The following NRG2 variants were observed in gnomAD, a reference collection of about 807,000 sequenced individuals.
The protein encoded by NRG2 is neuregulin 2.
Under a neutral mutation model 73.9 loss-of-function variants are expected in NRG2, and 27 were observed. That is an observed-to-expected ratio of 0.37 (90% CI 0.27 to 0.50). The LOEUF is 0.50. Ranked by LOEUF, NRG2 falls within the 20% of genes least tolerant of loss-of-function variation. The probability of loss-of-function intolerance (pLI) is 0.96; values close to 1 mark genes in which losing one functional copy is unlikely to be tolerated. For missense variants in NRG2, 1,126 were observed against 1,210.1 expected, an observed-to-expected ratio of 0.93 and a Z score of 1.03; for synonymous variants, 532 against 541.0, an observed-to-expected ratio of 0.98 and a Z score of 0.23.
At chr5:139,988,706 G>A (rs916072957) in intron 1 of NRG2, among the ~76,000 whole-genome samples, 6 of 151,932 alleles carry the variant, frequency 3.9e-5, no homozygotes, top group African/African-American at 9.7e-5. Context: ...ATACTATAGC[G>A]AATGTATGTC....
intron 1 of NRG2, among the ~76,000 whole-genome samples, chr5:139,912,213 A>T (rs2127197393): frequency 6.6e-6 from 1 of 152,266 alleles, no homozygotes; most frequent in Middle Eastern, 3.4e-3. Context: ...AGGCAGAGAG[A>T]CAATTCAACC....
At chr5:139,930,667 A>G (rs1441776687) in intron 1 of NRG2, among the ~76,000 whole-genome samples, 2 of 152,168 alleles carry the variant, frequency 1.3e-5, no homozygotes, top group African/African-American at 4.8e-5. Context: ...TCATGGCTCC[A>G]CTTGGCAAAA....
chr5:139,889,815 C>G (rs1046588248), intron 1 of NRG2, among the ~76,000 whole-genome samples: 1 of 152,126 alleles, frequency 6.6e-6, no homozygotes, highest in African/African-American at 2.4e-5. Flanking sequence ...TAACTTCATT[C>G]GTTTGCGCCT....
chr5:139,966,945 G>A (rs1216751200), intron 1 of NRG2, among the ~76,000 whole-genome samples: 1 of 152,186 alleles, frequency 6.6e-6, no homozygotes, highest in African/African-American at 2.4e-5. Flanking sequence ...TCAAAAAAAG[G>A]CCTGGGAGGA....
intron 1 of NRG2, among the ~76,000 whole-genome samples, chr5:140,025,387 C>T (rs1760604487): frequency 6.6e-6 from 1 of 152,148 alleles, no homozygotes; most frequent in Admixed American, 6.5e-5. Flanking sequence ...TTGGGCATGG[C>T]ACATGTAGGT....
intron 3 of NRG2, among the ~76,000 whole-genome samples, chr5:139,878,604 T>G (rs1164758107): frequency 1.3e-5 from 2 of 152,218 alleles, no homozygotes; most frequent in African/African-American, 2.4e-5. Flanking sequence ...TGGGGCCAGT[T>G]CCACCTCTGA....
chr5:139,882,856 C>A (rs908026398), intron 2 of NRG2, among the ~76,000 whole-genome samples: 1 of 152,090 alleles, frequency 6.6e-6, no homozygotes, highest in Non-Finnish European at 1.5e-5. Context: ...GCATGTGAGA[C>A]CTGGAGAAGG....
chr5:139,907,339 T>C (rs746628628), intron 1 of NRG2, among the ~76,000 whole-genome samples: 12 of 152,184 alleles, frequency 7.9e-5, no homozygotes, highest in Non-Finnish European at 1.6e-4. Flanking sequence ...GCTTCCTGAA[T>C]TCTTTTGATG....
chr5:139,876,925 CTG>C (rs3082489), intron 3 of NRG2, among the ~76,000 whole-genome samples: 79,108 of 141,740 alleles, frequency 0.56, 22,135 homozygotes, highest in Admixed American at 0.66. Context: ...GAATGTGCAT[CTG>C]TGTGTGTGTG....
rs188700714 is a variant in NRG2, at chr5:139,871,761, C to T, written c.1072G>A (p.Val358Ile). ...TAKSYCVNGG[V>I]CYYIEGINQL... Reference sequence around the variant, plus strand: ...TTGATGCCCTCGATGTAGTAGCAGACGCCTCCATTGACGCAATAGGACTTG... The same window carrying T: ...TTGATGCCCTCGATGTAGTAGCAGATGCCTCCATTGACGCAATAGGACTTG... The change falls in exon 4 of 10, where the codon GTC (valine) becomes ATC (isoleucine). Residue 358 changes from valine to isoleucine, a missense_variant. Coordinates refer to ENST00000361474, the MANE Select transcript of NRG2 (RefSeq NM_004883.3). 6.0e-4 allele frequency: 961 copies of T among 1,614,102 alleles called. 5 individuals carry two copies. The East Asian group carries it at 0.017, about 28-fold the overall frequency.
At chr5:139,916,723 G>A (rs1310245354) in intron 1 of NRG2, among the ~76,000 whole-genome samples, 1 of 152,170 alleles carries the variant, frequency 6.6e-6, no homozygotes, top group South Asian at 2.1e-4. Context: ...GCATGGATCA[G>A]TATTCATACC....
At chr5:139,899,992 C>T (rs1764774066) in intron 1 of NRG2, among the ~76,000 whole-genome samples, 1 of 152,242 alleles carries the variant, frequency 6.6e-6, no homozygotes, top group Non-Finnish European at 1.5e-5. Context: ...AGTATCAGTA[C>T]TGGCCTGTAG....
intron 3 of NRG2, among the ~76,000 whole-genome samples, chr5:139,876,956 TG>T (rs1169787832): frequency 6.6e-6 from 1 of 151,620 alleles, no homozygotes; most frequent in African/African-American, 2.4e-5. Flanking sequence ...TGTGTGTGTG[TG>T]TGTGTGTTTA....
intron 9 of NRG2, among the ~76,000 whole-genome samples, chr5:139,849,811 C>T (rs1416052520): frequency 3.3e-5 from 5 of 152,210 alleles, no homozygotes; most frequent in African/African-American, 4.8e-5. Flanking sequence ...ATCCTGGGCC[C>T]GACTGTTCAC....
intron 1 of NRG2, among the ~76,000 whole-genome samples, chr5:139,954,000 A>C (rs1754429708): frequency 6.6e-6 from 1 of 152,010 alleles, no homozygotes; most frequent in Admixed American, 6.5e-5. Flanking sequence ...GAACCTGAAA[A>C]AGTGGGCCAG....
chr5:139,969,150 C>T (rs553541975), intron 1 of NRG2, among the ~76,000 whole-genome samples: 1 of 152,316 alleles, frequency 6.6e-6, no homozygotes, highest in African/African-American at 2.4e-5. Flanking sequence ...GGCCCTGAGC[C>T]AGTGCTAGGA....
chr5:139,950,355 C>T (rs995648720), intron 1 of NRG2, among the ~76,000 whole-genome samples: 2 of 152,186 alleles, frequency 1.3e-5, no homozygotes, highest in African/African-American at 4.8e-5. Context: ...CCAGTAGTTC[C>T]CTCACACCCA....
Position 139,887,575 on chromosome 5 carries a change from T to C in NRG2, c.701-64A>G. The C allele has an allele frequency of 6.7e-7, 1 of 1,493,648 alleles. No individual in the cohort carries two copies. Among genetic ancestry groups the C allele is most frequent in the Admixed American group, 1.8e-5 (1 of 55,480 alleles). 92.5% of individuals were successfully genotyped at this position (1,493,648 alleles called of 1,614,324 possible). A position where few individuals can be genotyped will look rare whatever the true frequency, so the allele number is the denominator to read the frequency against. ...TAGGGGCAGTGCCAAGCATGAGTAGTGGAGAGTAAGGGCCACTGTCTTTGG... is the reference window on the plus strand; with the variant it reads ...TAGGGGCAGTGCCAAGCATGAGTAGCGGAGAGTAAGGGCCACTGTCTTTGG... On this transcript the variant is annotated intron_variant, in intron 1 of 9. Transcript: ENST00000361474. The surrounding 1 kb of genome is among the most constrained non-coding windows in gnomAD (Gnocchi z 4.5).
At chr5:139,918,979 G>A (rs1238413739) in intron 1 of NRG2, among the ~76,000 whole-genome samples, 1 of 152,184 alleles carries the variant, frequency 6.6e-6, no homozygotes, top group African/African-American at 2.4e-5. Flanking sequence ...GAAGAATAGG[G>A]TGAGTCAACA....
Sources: gnomAD v4.1 joint callset for allele counts (sites outside exome capture counted in the v4.1 genomes callset) on GRCh38, gnomAD v4.1.1 for gene constraint, Gnocchi (gnomAD v3.1) non-coding constraint, MANE v1.5 for transcripts, NCBI Gene and HGNC (gene_info 2026-07-23, HGNC 2026-07-21) for gene names.